WDR41: variants seen among roughly 807,000 people sequenced by gnomAD.
The protein encoded by WDR41 is WD repeat domain 41, also known as WD repeat-containing protein 41.
WDR41 carries 63 observed loss-of-function variants against 69.3 expected under a neutral mutation model. The observed-to-expected ratio is 0.91, with a 90% CI of 0.74 to 1.12. WDR41 has a LOEUF of 1.12. Ranked by LOEUF, WDR41 falls within the 50% of genes most tolerant of loss-of-function variation. The probability of loss-of-function intolerance (pLI) is 0.00; values close to 1 mark genes in which losing one functional copy is unlikely to be tolerated. For missense variants in WDR41, 543 were observed against 534.5 expected (o/e 1.02, Z -0.16); for synonymous variants, 185 against 192.1 (o/e 0.96, Z 0.31).
rs181961877 is a variant in WDR41, at chr5:77,436,305, G to A, written c.1183C>T (p.Leu395=). Residue 395 remains leucine, a synonymous_variant, in exon 12 of 13, where the codon CTG becomes TTG. Transcript: ENST00000296679. ...CCAATCAAATCTCCAATAAGCTCCA[G>A]TGAACATGAAGTAGCATTTTCTTGC... ...KQQENATSCS[L]ELIGDLIGHS... is the part of the protein sequence containing the mutation. 6 of 1,614,120 alleles carry A rather than the reference G, an allele frequency of 3.7e-6. No individual in the cohort carries two copies. The South Asian group carries it at 5.5e-5, about 15-fold the overall frequency.
At chr5:77,575,698 C>T (rs983426335) in intron 1 of WDR41, among the ~76,000 whole-genome samples, 1 of 152,114 alleles carries the variant, frequency 6.6e-6, no homozygotes, top group African/African-American at 2.4e-5. Flanking sequence ...AAAATGCTAT[C>T]CTTTTTTTTC....
At chr5:77,523,896 G>T (rs1228720113) in intron 1 of WDR41, among the ~76,000 whole-genome samples, 1 of 152,108 alleles carries the variant, frequency 6.6e-6, no homozygotes, top group Non-Finnish European at 1.5e-5. Context: ...GAACTAAGAG[G>T]ATTTGAATTA....
In WDR41 at chr5:77,477,451, G is replaced by A. The variant is rs1800995541; in HGVS notation, c.167+12006C>T. On this transcript the variant is annotated intron_variant, in intron 2 of 12. Transcript: ENST00000296679. Reference sequence around the variant, plus strand: ...AAAGCTCTCCTCAGGAAATGTAGAAGAATAGAAATTATAACAAACTATCTC... The same window carrying A: ...AAAGCTCTCCTCAGGAAATGTAGAAAAATAGAAATTATAACAAACTATCTC... Among the ~76,000 whole-genome samples the A allele has an allele frequency of 2.3e-5, 2 of 87,660 alleles. 1 individual carries two copies. Among genetic ancestry groups the A allele is most frequent in the Admixed American group, 2.5e-4 (2 of 7,920 alleles). The allele number at this position is 87,660 out of a possible 152,430, so 57.5% of individuals were successfully genotyped here. A position where few individuals can be genotyped will look rare whatever the true frequency, so the allele number is the denominator to read the frequency against.
At chr5:77,484,735 C>T (rs1801433748) in intron 2 of WDR41, among the ~76,000 whole-genome samples, 1 of 152,156 alleles carries the variant, frequency 6.6e-6, no homozygotes, top group African/African-American at 2.4e-5. Flanking sequence ...ATAAAATAGA[C>T]CAACTTACAA....
At chr5:77,442,332 T>C (rs1044934772) in intron 8 of WDR41, among the ~76,000 whole-genome samples, 8 of 152,172 alleles carry the variant, frequency 5.3e-5, no homozygotes, top group Non-Finnish European at 1.5e-5. Flanking sequence ...GTAATGCTGT[T>C]ATTAAAAATT....
chr5:77,464,181 C>CAT (rs1800187034), intron 3 of WDR41, among the ~76,000 whole-genome samples: 1 of 151,198 alleles, frequency 6.6e-6, no homozygotes, highest in African/African-American at 2.4e-5. Flanking sequence ...GAAGTCAGGG[C>CAT]ATAGCTAGTG....
chr5:77,598,554 G>A (rs1249420539), intron 1 of WDR41, among the ~76,000 whole-genome samples: 1 of 151,838 alleles, frequency 6.6e-6, no homozygotes, highest in Non-Finnish European at 1.5e-5. Flanking sequence ...AAAGAAGGAA[G>A]AACTAGGCTC....
rs149132215 is a variant in WDR41 at position 77,450,758 on chromosome 5, C to G, written c.586+533G>C. 8.4e-3 allele frequency among the ~76,000 whole-genome samples: 1,274 copies of G among 152,290 alleles called. 14 individuals carry two copies. Among genetic ancestry groups the G allele is most frequent in the African/African-American group, 0.028 (1,163 of 41,566 alleles). On this transcript the variant is annotated intron_variant, in intron 7 of 12. Transcript: ENST00000296679. ...AGCATCACTAACATCTGAGAAGTGACAAGTCTCTGAGATCATGTCCTTTTC... is the reference window on the plus strand; with the variant it reads ...AGCATCACTAACATCTGAGAAGTGAGAAGTCTCTGAGATCATGTCCTTTTC...
intron 1 of WDR41, among the ~76,000 whole-genome samples, chr5:77,512,321 A>T (rs1802214625): frequency 7.0e-6 from 1 of 143,318 alleles, no homozygotes; most frequent in African/African-American, 2.6e-5. Flanking sequence ...CTGTAATTAC[A>T]TGGGGTGAGT....
intron 2 of WDR41, among the ~76,000 whole-genome samples, chr5:77,468,907 A>G (rs1157973992): frequency 6.1e-5 from 4 of 65,284 alleles, no homozygotes; most frequent in African/African-American, 2.1e-4. Context: ...ATATATCTCT[A>G]AAGTCTCTTT....
chr5:77,547,575 C>T lies in WDR41; in HGVS notation c.43-58003G>A, dbSNP rs577383311. ...ATAAACTTAGGAATATACCTAATCACGGAGGTGAAAGATCTCTACAAGGAA... is the reference window on the plus strand; with the variant it reads ...ATAAACTTAGGAATATACCTAATCATGGAGGTGAAAGATCTCTACAAGGAA... On this transcript the variant is annotated intron_variant, in intron 1 of 5. Transcript: ENST00000509971. Among the ~76,000 whole-genome samples the T allele has an allele frequency of 8.6e-5, 13 of 150,340 alleles. No homozygotes were observed. The East Asian group carries it at 1.4e-3, about 16-fold the overall frequency.
intron 1 of WDR41, among the ~76,000 whole-genome samples, chr5:77,566,262 C>G (rs1438145094): frequency 6.6e-6 from 1 of 152,090 alleles, no homozygotes; most frequent in Non-Finnish European, 1.5e-5. Context: ...AACTCATCTG[C>G]CTAGAACTAA....
chr5:77,594,813 C>T (rs1400652806), intron 1 of WDR41, among the ~76,000 whole-genome samples: 2 of 152,304 alleles, frequency 1.3e-5, no homozygotes, highest in Non-Finnish European at 1.5e-5. Context: ...AAATGTGTTA[C>T]TTTCATCTTA....
At chr5:77,531,439 C>T (rs1398957007) in intron 1 of WDR41, among the ~76,000 whole-genome samples, 1 of 151,696 alleles carries the variant, frequency 6.6e-6, no homozygotes, top group African/African-American at 2.4e-5. Flanking sequence ...CAAATCAAAA[C>T]CACAATAAGA....
chr5:77,435,902 C>G (rs1166200183), intron 12 of WDR41, among the ~76,000 whole-genome samples: 1 of 152,218 alleles, frequency 6.6e-6, no homozygotes, highest in African/African-American at 2.4e-5. Flanking sequence ...GAATTCGATT[C>G]TGTTAAGGCT....
chr5:77,483,472 C>T (rs251469), intron 2 of WDR41, among the ~76,000 whole-genome samples: 95,230 of 149,670 alleles, frequency 0.64, 31,638 homozygotes, highest in African/African-American at 0.85. Flanking sequence ...TACGAGTTAC[C>T]TGAATACTCG....
intron 8 of WDR41, among the ~76,000 whole-genome samples, chr5:77,441,595 C>T (rs1799169965): frequency 6.6e-6 from 1 of 152,032 alleles, no homozygotes; most frequent in South Asian, 2.1e-4. Context: ...AAAAATTAGC[C>T]GGGCATGGTG....
At chr5:77,501,555 A>G (rs1307757132) in intron 1 of WDR41, among the ~76,000 whole-genome samples, 3 of 152,184 alleles carry the variant, frequency 2.0e-5, no homozygotes, top group African/African-American at 4.8e-5. Flanking sequence ...GAGCTCTGAG[A>G]ACAGACAGAC....
At position 77,433,156 on chromosome 5, in the gene WDR41, AC is replaced by A; in HGVS notation, c.1358del (p.Gly453ValfsTer12). Reference protein sequence around the residue: ...LRLFQKLEENGDLYLAV With the variant: ...LRLFQKLEENXDLYLAV ...TAAACTAGACAGCAAGGTATAAGTC[AC>A]CATTCTCCTCTAATTTTTGAAATAA... On this transcript the variant is annotated frameshift_variant, in exon 13 of 13. Transcript: ENST00000296679. LOFTEE classifies it high-confidence loss of function. The A allele has an allele frequency of 6.2e-7, 1 of 1,613,356 alleles. No homozygotes were observed. The highest frequency in any genetic ancestry group is 8.5e-7 in the Non-Finnish European group (1 of 1,179,744).
Sources: allele counts gnomAD v4.1 joint callset (sites outside exome capture counted in the v4.1 genomes callset), GRCh38; gene constraint gnomAD v4.1.1; transcripts MANE v1.5; gene names NCBI Gene and HGNC (gene_info 2026-07-23, HGNC 2026-07-21).